The following SHANK2 variants were observed in gnomAD, a reference collection of about 807,000 sequenced individuals.
The protein encoded by SHANK2 is SH3 and multiple ankyrin repeat domains protein 2.
SHANK2 carries 43 observed loss-of-function variants against 133.7 expected under a neutral mutation model. The ratio of observed to expected loss-of-function variants is 0.32; its 90% CI spans 0.25 to 0.41. The LOEUF (loss-of-function observed/expected upper bound fraction) is 0.41. Among genes scored for constraint, SHANK2 ranks in the 10% least tolerant of loss-of-function variants. The pLI, the probability that SHANK2 is intolerant of heterozygous loss-of-function variation, is 1.00. For synonymous variants in SHANK2, 1,017 were observed against 952.8 expected (o/e 1.07, Z -1.24); for missense variants, 1,994 against 2,235.8 (o/e 0.89, Z 2.18).
chr11:70,687,500 T>C (rs780637251), intron 15 of SHANK2, among the ~76,000 whole-genome samples: 1 of 151,946 alleles, frequency 6.6e-6, no homozygotes, highest in African/African-American at 2.4e-5. Context: ...GAATGGGCCA[T>C]TGTGGGGCAA....
chr11:71,227,913 G>T (rs1177436801), intron 1 of SHANK2, among the ~76,000 whole-genome samples: 1 of 151,798 alleles, frequency 6.6e-6, no homozygotes, highest in Non-Finnish European at 1.5e-5. Flanking sequence ...AAACATATGA[G>T]TGGGAAAAAA....
chr11:71,122,452 C>T (rs1952098107), intron 3 of SHANK2, among the ~76,000 whole-genome samples: 2 of 152,106 alleles, frequency 1.3e-5, no homozygotes, highest in Non-Finnish European at 2.9e-5. Flanking sequence ...ACAATGAGAA[C>T]ACTTGGACAC....
At chr11:70,489,826 T>C in intron 23 of SHANK2, 1 of 130,284 alleles carries the variant, frequency 7.7e-6, no homozygotes, top group Non-Finnish European at 1.3e-5. Flanking sequence ...CATTATTTCA[T>C]TTCGAGACCT....
At chr11:70,670,381 C>T (rs79421383) in intron 15 of SHANK2, among the ~76,000 whole-genome samples, 30 of 152,322 alleles carry the variant, frequency 2.0e-4, no homozygotes, top group African/African-American at 5.1e-4. Context: ...TCAGCAGTTA[C>T]GTGGGGGGTG....
intron 14 of SHANK2, among the ~76,000 whole-genome samples, chr11:70,775,371 G>T (rs782040715): frequency 6.6e-6 from 1 of 152,104 alleles, no homozygotes; most frequent in Non-Finnish European, 1.5e-5. Flanking sequence ...CAGGAGAATC[G>T]CTTGAACCTG....
At chr11:71,222,142 C>G (rs1295420392) in intron 2 of SHANK2, among the ~76,000 whole-genome samples, 3 of 148,860 alleles carry the variant, frequency 2.0e-5, no homozygotes, top group South Asian at 2.2e-4. Context: ...CCACCCCATC[C>G]AGCACCACCA....
intron 8 of SHANK2, among the ~76,000 whole-genome samples, chr11:71,085,663 T>G (rs1338861128): frequency 1.0e-4 from 1 of 9,530 alleles, no homozygotes; most frequent in Non-Finnish European, 3.1e-4. Context: ...TATATTATAT[T>G]ATATATGTTA....
At chr11:70,948,360 A>G (rs1325238795) in intron 10 of SHANK2, 1 of 457,172 alleles carries the variant, frequency 2.2e-6, no homozygotes, top group African/African-American at 2.0e-5. Flanking sequence ...CCCAGCACCT[A>G]GAAGACAGCG....
chr11:71,235,270 C>T (rs1391298123), intron 1 of SHANK2, among the ~76,000 whole-genome samples: 3 of 152,040 alleles, frequency 2.0e-5, no homozygotes, highest in African/African-American at 7.2e-5. Context: ...AGCTGAGCTC[C>T]GGAAGGTACC....
At chr11:70,507,408 C>T (rs1309260247) in intron 17 of SHANK2, among the ~76,000 whole-genome samples, 1 of 152,240 alleles carries the variant, frequency 6.6e-6, no homozygotes, top group African/African-American at 2.4e-5. Flanking sequence ...GACTGGTGAG[C>T]CCTGTATCAA....
chr11:70,872,037 G>A (rs1346034590), intron 11 of SHANK2, among the ~76,000 whole-genome samples: 3 of 152,176 alleles, frequency 2.0e-5, no homozygotes, highest in Non-Finnish European at 4.4e-5. Flanking sequence ...GCATGTGCAC[G>A]CTGCCTGCTT....
At chr11:70,492,578 C>A (rs2135764179) in intron 21 of SHANK2, 113 bp from the exon 22 acceptor site, 1 of 1,382,160 alleles carries the variant, frequency 7.2e-7, no homozygotes, top group Non-Finnish European at 1.0e-6. Context: ...GTGCAGGGGG[C>A]ATTTGTTGCT....
At chr11:70,609,504 T>C (rs2060625562) in intron 17 of SHANK2, among the ~76,000 whole-genome samples, 1 of 152,164 alleles carries the variant, frequency 6.6e-6, no homozygotes, top group Non-Finnish European at 1.5e-5. Context: ...CGCACAGCCA[T>C]GCTCGGAGCA....
At chr11:71,107,945 C>A (rs1395866162) in intron 6 of SHANK2, among the ~76,000 whole-genome samples, 14 of 152,122 alleles carry the variant, frequency 9.2e-5, no homozygotes, top group African/African-American at 2.9e-4. Flanking sequence ...CAGGCCAAGG[C>A]GAGACAGAGA....
intron 17 of SHANK2, among the ~76,000 whole-genome samples, chr11:70,511,153 A>T (rs563829527): frequency 6.6e-6 from 1 of 152,278 alleles, no homozygotes; most frequent in South Asian, 2.1e-4. Flanking sequence ...GCCCATCAAC[A>T]CTTCTATGGG....
intron 2 of SHANK2, among the ~76,000 whole-genome samples, chr11:71,182,230 T>C (rs1276709719): frequency 7.9e-5 from 12 of 152,062 alleles, no homozygotes; most frequent in African/African-American, 2.9e-4. Context: ...TGGGAGGAGA[T>C]TGTTTTCGGG....
At chr11:70,883,188 T>C (rs1224531934) in intron 11 of SHANK2, among the ~76,000 whole-genome samples, 1 of 152,042 alleles carries the variant, frequency 6.6e-6, no homozygotes, top group African/African-American at 2.4e-5. Flanking sequence ...AGGGCTGTCA[T>C]TAGGATTGAG....
intron 7 of SHANK2, among the ~76,000 whole-genome samples, chr11:71,092,883 A>G (rs1476307757): frequency 6.6e-6 from 1 of 152,134 alleles, no homozygotes; most frequent in Non-Finnish European, 1.5e-5. Flanking sequence ...TCTATGAAAA[A>G]TACAAAAAAA....
intron 10 of SHANK2, chr11:70,933,153 G>A (rs1313113313): frequency 2.2e-6 from 1 of 456,664 alleles, no homozygotes; most frequent in Non-Finnish European, 4.4e-6. Context: ...AAAGTGTGGT[G>A]CATCCATGCA....
Sources: allele counts gnomAD v4.1 joint callset (sites outside exome capture counted in the v4.1 genomes callset), GRCh38; gene constraint gnomAD v4.1.1; transcripts MANE v1.5; gene names NCBI Gene and HGNC (gene_info 2026-07-23, HGNC 2026-07-21).